Variants in CALN1 observed in about 807,000 individuals in gnomAD.
CALN1 encodes calcium-binding protein 8.
In CALN1, 17 loss-of-function variants were observed where a neutral mutation model predicts 30.6. That is an observed-to-expected ratio of 0.56 (90% CI 0.38 to 0.83). The LOEUF (loss-of-function observed/expected upper bound fraction) is 0.83, where lower values mean the gene tolerates loss of function less well. Among genes scored for constraint, CALN1 ranks in the 40% least tolerant of loss-of-function variants. The probability of loss-of-function intolerance (pLI) is 0.00; values close to 1 mark genes in which losing one functional copy is unlikely to be tolerated. For missense variants in CALN1, 291 were observed against 354.9 expected (o/e 0.82, Z 1.45); for synonymous variants, 156 against 131.4 (o/e 1.19, Z -1.28).
intron 2 of CALN1, among the ~76,000 whole-genome samples, chr7:72,348,923 C>G (rs1554382705): frequency 6.6e-6 from 1 of 152,064 alleles, no homozygotes; most frequent in Non-Finnish European, 1.5e-5. Flanking sequence ...GGAAAAATAA[C>G]AATGGCAATG....
At position 72,136,394 on chromosome 7, in the gene CALN1, T is replaced by G. The variant is rs1312840507; in HGVS notation, c.245-30100A>C. On this transcript the variant is annotated intron_variant, in intron 3 of 6. Coordinates refer to ENST00000395275, the MANE Select transcript of CALN1 (RefSeq NM_031468.4). ...GCAGCTTCCTTTCCTCTCTCAGCCTTCATAGAATTGAAAAGAGTTGGGGCC... is the reference window on the plus strand; with the variant it reads ...GCAGCTTCCTTTCCTCTCTCAGCCTGCATAGAATTGAAAAGAGTTGGGGCC... 2.0e-5 allele frequency among the ~76,000 whole-genome samples: 3 copies of G among 151,918 alleles called. No homozygotes were observed. In the South Asian group the frequency reaches 6.2e-4, roughly 31 times the overall value.
At chr7:72,081,329 G>C (rs1805121195) in intron 4 of CALN1, among the ~76,000 whole-genome samples, 1 of 150,066 alleles carries the variant, frequency 6.7e-6, no homozygotes, top group Admixed American at 6.7e-5. Flanking sequence ...ATTACGGTTA[G>C]AATTGCAGGA....
chr7:72,345,466 AAGAG>A (rs961764710), intron 2 of CALN1, among the ~76,000 whole-genome samples: 1 of 148,280 alleles, frequency 6.7e-6, no homozygotes, highest in African/African-American at 2.5e-5. Context: ...AGACAAAAGA[AAGAG>A]AGGGAAGGGA....
the CALN1 span, among the ~76,000 whole-genome samples, chr7:72,456,581 G>T: frequency 6.6e-6 from 1 of 151,822 alleles, no homozygotes; most frequent in Admixed American, 6.6e-5. Context: ...GCCAGGCATG[G>T]TGGCTCATGC....
chr7:72,132,384 G>C (rs999004244), intron 3 of CALN1, among the ~76,000 whole-genome samples: 2 of 152,100 alleles, frequency 1.3e-5, no homozygotes, highest in Non-Finnish European at 2.9e-5. Flanking sequence ...AGTTCTATGG[G>C]TACTCGAAGT....
chr7:71,833,697 A>G (rs2116436557), intron 5 of CALN1, among the ~76,000 whole-genome samples: 1 of 152,250 alleles, frequency 6.6e-6, no homozygotes, highest in East Asian at 1.9e-4. Context: ...GAGGCCAGGC[A>G]TTTGGGACCA....
chr7:72,403,238 G>A lies in CALN1; in HGVS notation c.119+13C>T, dbSNP rs969119575. 5 of 1,544,478 alleles carry A rather than the reference G, an allele frequency of 3.2e-6. No individual in the cohort carries two copies. Among genetic ancestry groups the A allele is most frequent in the African/African-American group, 1.4e-5 (1 of 72,998 alleles). Reference sequence around the variant, plus strand: ...ACAATCTAGGTCCTTGGGTTTGGGGGAAGAAGACTTGCCAGGTGGGGAAGT... The same window carrying A: ...ACAATCTAGGTCCTTGGGTTTGGGGAAAGAAGACTTGCCAGGTGGGGAAGT... On this transcript the variant is annotated intron_variant, in intron 2 of 6. Transcript: ENST00000395275.
chr7:72,115,507 T>C (rs1488190306), intron 3 of CALN1, among the ~76,000 whole-genome samples: 1 of 119,888 alleles, frequency 8.3e-6, no homozygotes, highest in Non-Finnish European at 1.9e-5. Context: ...TTTTTTTTTT[T>C]TTGGAGACAC....
At chr7:72,149,118 G>A (rs1456234937) in intron 3 of CALN1, among the ~76,000 whole-genome samples, 5 of 152,066 alleles carry the variant, frequency 3.3e-5, no homozygotes, top group Non-Finnish European at 5.9e-5. Flanking sequence ...CTCTCCAGAA[G>A]CAGATGCTGA....
At chr7:72,004,542 AT>A in intron 5 of CALN1, among the ~76,000 whole-genome samples, 1 of 152,350 alleles carries the variant, frequency 6.6e-6, no homozygotes, top group Non-Finnish European at 1.5e-5. Flanking sequence ...GCTAGACCAC[AT>A]CAAAATTAAA....
intron 5 of CALN1, among the ~76,000 whole-genome samples, chr7:71,833,877 T>TAG (rs1192022310): frequency 1.3e-5 from 2 of 152,012 alleles, no homozygotes; most frequent in African/African-American, 4.8e-5. Flanking sequence ...TACTGTACCC[T>TAG]AGCCTGGGCA....
chr7:72,157,491 G>A (rs1027097383), intron 3 of CALN1, among the ~76,000 whole-genome samples: 3 of 152,000 alleles, frequency 2.0e-5, no homozygotes, highest in Non-Finnish European at 4.4e-5. Flanking sequence ...TCCCAGAGAA[G>A]GTGACATTTC....
At chr7:71,886,574 A>G (rs1404935724) in intron 5 of CALN1, among the ~76,000 whole-genome samples, 4 of 152,086 alleles carry the variant, frequency 2.6e-5, no homozygotes, top group Non-Finnish European at 1.5e-5. Flanking sequence ...GGAGTTCGAG[A>G]CCAGCCTGGT....
chr7:72,331,864 C>T (rs1224627875), intron 2 of CALN1, among the ~76,000 whole-genome samples: 1 of 139,742 alleles, frequency 7.2e-6, no homozygotes, highest in Non-Finnish European at 1.6e-5. Context: ...CCACCCTCCA[C>T]CCTCTAACAG....
chr7:72,125,034 G>A (rs929539752), intron 3 of CALN1, among the ~76,000 whole-genome samples: 1 of 151,930 alleles, frequency 6.6e-6, no homozygotes, highest in Non-Finnish European at 1.5e-5. Context: ...GTTTTGCTTT[G>A]TTATTTTGTT....
chr7:72,204,596 C>T (rs1791695462), intron 3 of CALN1, among the ~76,000 whole-genome samples: 1 of 152,078 alleles, frequency 6.6e-6, no homozygotes, highest in Non-Finnish European at 1.5e-5. Flanking sequence ...ACTTTTCCAC[C>T]ATTTATTAGT....
chr7:72,261,438 T>TC (rs397816795), intron 3 of CALN1, among the ~76,000 whole-genome samples: 1 of 151,618 alleles, frequency 6.6e-6, no homozygotes, highest in Non-Finnish European at 1.5e-5. Flanking sequence ...TTTTTTTTTT[T>TC]CTTAGAGTAT....
At position 72,352,482 on chromosome 7, in the gene CALN1, G is replaced by GTAA. The variant is rs1277379494; in HGVS notation, c.119+50766_119+50768dup. ...CATAACGGAATTAAATTAGAAATCA[G>GTAA]TAATAAGAAGACACCTTAAAAATTC... On this transcript the variant is annotated intron_variant, in intron 2 of 6. Transcript: ENST00000395275. Among the ~76,000 whole-genome samples the GTAA allele has an allele frequency of 7.3e-5, 11 of 150,154 alleles. No individual in the cohort carries two copies. The East Asian group carries it at 2.2e-3, about 29-fold the overall frequency.
At chr7:72,436,779 G>A (rs1399877054) in intron 1 of CALN1, among the ~76,000 whole-genome samples, 1 of 152,168 alleles carries the variant, frequency 6.6e-6, no homozygotes, top group Non-Finnish European at 1.5e-5. Context: ...GAAAGCTGTT[G>A]ATGCTGCAAA....
Sources: gnomAD v4.1 joint callset for allele counts (sites outside exome capture counted in the v4.1 genomes callset) on GRCh38, gnomAD v4.1.1 for gene constraint, MANE v1.5 for transcripts, NCBI Gene and HGNC (gene_info 2026-07-23, HGNC 2026-07-21) for gene names.